SLC35D4: variants seen among roughly 807,000 people sequenced by gnomAD.
SLC35D4 encodes UDP-N-acetylglucosamine transporter SLC35D4.
the SLC35D4 span, among the ~76,000 whole-genome samples, chr18:23,281,449 A>G: frequency 6.6e-6 from 1 of 152,004 alleles, no homozygotes; most frequent in Non-Finnish European, 1.5e-5. Flanking sequence ...CAGCCTCCCA[A>G]ATAGCTGGGA....
chr18:23,372,415 C>T, the SLC35D4 span, among the ~76,000 whole-genome samples: 1 of 152,158 alleles, frequency 6.6e-6, no homozygotes, highest in African/African-American at 2.4e-5. Context: ...TGGCTAACTC[C>T]TCCTCATTCT....
At chr18:23,371,935 G>GTTTT in the SLC35D4 span, among the ~76,000 whole-genome samples, 312 of 35,466 alleles carry the variant, frequency 8.8e-3, 59 homozygotes, top group African/African-American at 0.035. Flanking sequence ...TGTTTTTTTT[G>GTTTT]TTTTTTTTTT....
chr18:23,343,063 C>T, the SLC35D4 span, among the ~76,000 whole-genome samples: 1 of 152,158 alleles, frequency 6.6e-6, no homozygotes, highest in Admixed American at 6.5e-5. Flanking sequence ...GCTGGAACTA[C>T]AGGCGTGCGC....
the SLC35D4 span, among the ~76,000 whole-genome samples, chr18:23,288,079 C>T: frequency 8.5e-5 from 13 of 152,220 alleles, no homozygotes; most frequent in Non-Finnish European, 1.8e-4. Context: ...TTGAGTCTCC[C>T]ACAATTACTA....
chr18:23,287,714 T>C, the SLC35D4 span, among the ~76,000 whole-genome samples: 4 of 152,132 alleles, frequency 2.6e-5, no homozygotes, highest in Non-Finnish European at 1.5e-5. Context: ...CTCTTTCCAT[T>C]CCTTGAAGAC....
the SLC35D4 span, chr18:23,399,735 A>G: frequency 4.2e-6 from 5 of 1,199,618 alleles, no homozygotes; most frequent in Non-Finnish European, 6.1e-6. Flanking sequence ...CAGATGCATC[A>G]ACTACAACAA....
the SLC35D4 span, among the ~76,000 whole-genome samples, chr18:23,281,886 A>G: frequency 2.0e-5 from 3 of 152,226 alleles, no homozygotes; most frequent in Non-Finnish European, 4.4e-5. Flanking sequence ...AAAGACCAGC[A>G]CCCAGTGGGC....
chr18:23,403,300 A>G, the SLC35D4 span, among the ~76,000 whole-genome samples: 1 of 152,226 alleles, frequency 6.6e-6, no homozygotes, highest in Admixed American at 6.5e-5. Flanking sequence ...AAAACACTAC[A>G]TTGATAACTG....
chr18:23,346,236 C>T, the SLC35D4 span, among the ~76,000 whole-genome samples: 75 of 152,294 alleles, frequency 4.9e-4, no homozygotes, highest in African/African-American at 1.7e-3. Flanking sequence ...TGAGCTCTGG[C>T]GATCCTCCTG....
the SLC35D4 span, among the ~76,000 whole-genome samples, chr18:23,291,390 C>T: frequency 6.6e-6 from 1 of 152,288 alleles, no homozygotes; most frequent in African/African-American, 2.4e-5. Context: ...ACACGCTGTC[C>T]CAAAACTTAG....
At chr18:23,403,662 A>C in the SLC35D4 span, among the ~76,000 whole-genome samples, 1 of 152,236 alleles carries the variant, frequency 6.6e-6, no homozygotes, top group Non-Finnish European at 1.5e-5. Flanking sequence ...TGGTGCATTA[A>C]GACAGGAAAA....
chr18:23,372,624 C>T, the SLC35D4 span, among the ~76,000 whole-genome samples: 11 of 152,312 alleles, frequency 7.2e-5, no homozygotes, highest in Admixed American at 5.9e-4. Flanking sequence ...AAAGCATTGG[C>T]ACAGAGGCTG....
the SLC35D4 span, among the ~76,000 whole-genome samples, chr18:23,369,574 A>G: frequency 6.6e-6 from 1 of 152,150 alleles, no homozygotes; most frequent in Non-Finnish European, 1.5e-5. Flanking sequence ...GATGCAGCCG[A>G]TTGGCACCCA....
At chr18:23,238,619 A>G in the SLC35D4 span, among the ~76,000 whole-genome samples, 6 of 152,372 alleles carry the variant, frequency 3.9e-5, no homozygotes, top group East Asian at 1.2e-3. Context: ...ATAAATGACC[A>G]GAATGATTGC....
the SLC35D4 span, among the ~76,000 whole-genome samples, chr18:23,269,947 G>T: frequency 6.6e-6 from 1 of 152,214 alleles, no homozygotes; most frequent in African/African-American, 2.4e-5. Flanking sequence ...TGATAGAAAA[G>T]AAAACCCCAT....
the SLC35D4 span, among the ~76,000 whole-genome samples, chr18:23,381,284 T>C: frequency 6.6e-6 from 1 of 152,178 alleles, no homozygotes; most frequent in Non-Finnish European, 1.5e-5. Context: ...CATCTATATA[T>C]GTGCATGGGA....
At chr18:23,373,521 C>T in the SLC35D4 span, among the ~76,000 whole-genome samples, 1,010 of 151,978 alleles carry the variant, frequency 6.6e-3, 9 homozygotes, top group African/African-American at 0.023. Context: ...TGCAGCCCTG[C>T]GGAGAAGGCA....
At chr18:23,362,517 T>A in the SLC35D4 span, among the ~76,000 whole-genome samples, 1 of 152,130 alleles carries the variant, frequency 6.6e-6, no homozygotes, top group Non-Finnish European at 1.5e-5. Context: ...GAGAATCACT[T>A]GAACCTGGGA....
chr18:23,330,832 G>A, the SLC35D4 span, among the ~76,000 whole-genome samples: 1 of 152,118 alleles, frequency 6.6e-6, no homozygotes, highest in Non-Finnish European at 1.5e-5. Flanking sequence ...AGCAAAGCAC[G>A]GGGGGTCCAG....
Sources: gnomAD v4.1 joint callset for allele counts (sites outside exome capture counted in the v4.1 genomes callset) on GRCh38, gnomAD v4.1.1 for gene constraint, MANE v1.5 for transcripts, NCBI Gene and HGNC (gene_info 2026-07-23, HGNC 2026-07-21) for gene names.